Variants in UNC5C observed in about 807,000 individuals in gnomAD.
The protein encoded by UNC5C is unc-5 netrin receptor C.
In UNC5C, 47 loss-of-function variants were observed where a neutral mutation model predicts 99.8. The ratio of observed to expected loss-of-function variants is 0.47; its 90% CI spans 0.37 to 0.60. The LOEUF (loss-of-function observed/expected upper bound fraction) is 0.60. UNC5C is among the 20% of genes least tolerant of loss of function. The pLI, the probability that UNC5C is intolerant of heterozygous loss-of-function variation, is 0.00. For missense variants in UNC5C, 1,062 were observed against 1,165.9 expected (o/e 0.91, Z 1.30); for synonymous variants, 487 against 452.2 (o/e 1.08, Z -0.98).
intron 2 of UNC5C, among the ~76,000 whole-genome samples, chr4:95,313,571 C>T (rs2149409240): frequency 6.6e-6 from 1 of 152,256 alleles, no homozygotes; most frequent in South Asian, 2.1e-4. Flanking sequence ...ATAATAATTA[C>T]TCATCCTCAT....
At chr4:95,253,281 CTAATCA>C (rs1484075272) in intron 4 of UNC5C, among the ~76,000 whole-genome samples, 37 of 152,074 alleles carry the variant, frequency 2.4e-4, no homozygotes, top group Non-Finnish European at 4.4e-5. Context: ...TGATGTTATC[CTAATCA>C]TAAACAACAT....
At chr4:95,270,597 T>G (rs1166912848) in intron 4 of UNC5C, among the ~76,000 whole-genome samples, 2 of 152,210 alleles carry the variant, frequency 1.3e-5, no homozygotes, top group Non-Finnish European at 2.9e-5. Flanking sequence ...GGGTTGAACA[T>G]ACATAGGCCA....
intron 1 of UNC5C, among the ~76,000 whole-genome samples, chr4:95,434,288 T>C (rs1274354497): frequency 6.6e-6 from 1 of 152,120 alleles, no homozygotes; most frequent in Non-Finnish European, 1.5e-5. Flanking sequence ...AATCAATTTA[T>C]AAATTTATCT....
intron 4 of UNC5C, among the ~76,000 whole-genome samples, chr4:95,259,723 A>T (rs1427848055): frequency 6.6e-6 from 1 of 152,154 alleles, no homozygotes; most frequent in Non-Finnish European, 1.5e-5. Context: ...TATCAGTTTT[A>T]AAAAAATAAG....
At chr4:95,176,155 T>TCAAAGTTTTCA (rs1736332915) in intron 14 of UNC5C, among the ~76,000 whole-genome samples, 2 of 151,694 alleles carry the variant, frequency 1.3e-5, no homozygotes, top group African/African-American at 4.8e-5. Flanking sequence ...TAAATTTTTT[T>TCAAAGTTTTCA]CAAAGTTTTC....
Position 95,206,740 on chromosome 4 carries a change from G to A in UNC5C, c.1790C>T (p.Pro597Leu). Reference sequence around the variant, plus strand: ...GACTGGGCGGGTGAGCAGAGCTCCTGGGGGCCCACAGCTCACCACAGGGGT... The same window carrying A: ...GACTGGGCGGGTGAGCAGAGCTCCTAGGGGCCCACAGCTCACCACAGGGGT... ...LLTPVVSCGP[P>L]GALLTRPVVL... Residue 597 changes from proline to leucine, a missense_variant, in exon 11 of 16, where the codon CCA becomes CTA. Transcript: ENST00000453304. 6.2e-7 allele frequency: 1 copy of A among 1,613,156 alleles called. No individual in the cohort carries two copies. Among genetic ancestry groups the A allele is most frequent in the Non-Finnish European group, 8.5e-7 (1 of 1,179,358 alleles).
chr4:95,484,101 T>C (rs569433117), intron 1 of UNC5C, among the ~76,000 whole-genome samples: 2 of 151,854 alleles, frequency 1.3e-5, no homozygotes, highest in East Asian at 2.0e-4. Flanking sequence ...TGGTGAGTGC[T>C]ATGGAGAGAA....
intron 3 of UNC5C, among the ~76,000 whole-genome samples, chr4:95,290,101 T>C (rs2149399278): frequency 6.6e-6 from 1 of 152,114 alleles, no homozygotes; most frequent in South Asian, 2.1e-4. Context: ...CCAGGGAGTT[T>C]GGAATCAACC....
At chr4:95,320,714 G>A (rs528063147) in intron 2 of UNC5C, among the ~76,000 whole-genome samples, 1 of 152,244 alleles carries the variant, frequency 6.6e-6, no homozygotes, top group African/African-American at 2.4e-5. Context: ...GCTTCTTATT[G>A]TAGCCTCTGC....
chr4:95,523,231 A>C (rs1259163023), intron 1 of UNC5C, among the ~76,000 whole-genome samples: 1 of 152,154 alleles, frequency 6.6e-6, no homozygotes, highest in Non-Finnish European at 1.5e-5. Flanking sequence ...GAGGAAACCT[A>C]CCAGGCAAAG....
chr4:95,335,833 C>G (rs1743317226), intron 1 of UNC5C, among the ~76,000 whole-genome samples: 1 of 151,800 alleles, frequency 6.6e-6, no homozygotes, highest in Non-Finnish European at 1.5e-5. Flanking sequence ...CACAGCAAAA[C>G]TCAACATCAG....
At chr4:95,238,129 G>T (rs953640433) in intron 7 of UNC5C, among the ~76,000 whole-genome samples, 7 of 152,020 alleles carry the variant, frequency 4.6e-5, no homozygotes, top group Non-Finnish European at 4.4e-5. Context: ...CTATAATTAT[G>T]ATTTAAGTAT....
chr4:95,183,004 T>C lies in UNC5C; in HGVS notation c.2344A>G (p.Thr782Ala). Reference protein sequence around the residue: ...GSQRNLHCTFTLERFSLNTVE... With the variant: ...GSQRNLHCTFALERFSLNTVE... The stretch of plus-strand genomic sequence containing the variant: ...GTGTTCAGGCTAAATCTTTCCAGAG[T>C]GAAGGTGCAGTGCAGGTTTCTTTGA... Residue 782 changes from threonine (T) to alanine (A), a missense_variant, in exon 14 of 16, where the codon ACT becomes GCT. Thr to Ala is a moderately conservative substitution (Grantham distance 58, BLOSUM62 0). Around this residue, in one of 3 missense-constraint regions of UNC5C, gnomAD observed 810 missense variants for 854.5 expected, o/e 0.95. Coordinates refer to ENST00000453304, the MANE Select transcript of UNC5C (RefSeq NM_003728.4). 5 of 1,613,048 alleles carry C rather than the reference T, an allele frequency of 3.1e-6. No homozygotes were observed. The highest frequency in any genetic ancestry group is 3.4e-6 in the Non-Finnish European group (4 of 1,179,296).
intron 3 of UNC5C, among the ~76,000 whole-genome samples, chr4:95,285,235 C>T (rs1419949896): frequency 1.3e-5 from 2 of 151,830 alleles, no homozygotes; most frequent in Non-Finnish European, 2.9e-5. Context: ...TTTAAGAAAA[C>T]AAAATATTGG....
chr4:95,548,675 G>A, intron 1 of UNC5C, 59 bp downstream of exon 1: 1 of 1,577,496 alleles, frequency 6.3e-7, no homozygotes, highest in Non-Finnish European at 8.6e-7. Context: ...GAGGAGGAGA[G>A]GAAGGAGGGA....
rs140303891 is a variant in UNC5C, at chr4:95,364,758, C to T, written c.125-29127G>A. 3.9e-3 allele frequency among the ~76,000 whole-genome samples: 593 copies of T among 152,250 alleles called. 10 individuals carry two copies. Among genetic ancestry groups the T allele is most frequent in the African/African-American group, 0.013 (542 of 41,552 alleles). ...TGAGTAAGTACATCAAAAGTGTCTA[C>T]AGCAGTGCTTAGTATTGATGCCACA... On this transcript the variant is annotated intron_variant, in intron 1 of 15. Coordinates refer to ENST00000453304, the MANE Select transcript of UNC5C (RefSeq NM_003728.4).
Position 95,244,963 on chromosome 4 carries a change from A to T in UNC5C, c.943+14T>A. The T allele has an allele frequency of 6.2e-7, 1 of 1,613,374 alleles. No homozygotes were observed. On this transcript the variant is annotated intron_variant, in intron 6 of 15. Coordinates refer to ENST00000453304, the MANE Select transcript of UNC5C (RefSeq NM_003728.4). Reference sequence around the variant, plus strand: ...AATAGGAGATACTTGGAATGAGAGGACTGGTTTATTTACCTGGGCATAACG... The same window carrying T: ...AATAGGAGATACTTGGAATGAGAGGTCTGGTTTATTTACCTGGGCATAACG...
intron 3 of UNC5C, among the ~76,000 whole-genome samples, chr4:95,291,186 CTT>C (rs1017584093): frequency 1.3e-5 from 2 of 152,066 alleles, no homozygotes; most frequent in Non-Finnish European, 2.9e-5. Flanking sequence ...ACAAGCCACT[CTT>C]TTATATTCAA....
chr4:95,415,690 C>T (rs77880261), intron 1 of UNC5C, among the ~76,000 whole-genome samples: 4,346 of 152,038 alleles, frequency 0.029, 115 homozygotes, highest in South Asian at 0.058. Flanking sequence ...AGAACTCATT[C>T]CCAAAACAAC....
Sources: allele counts gnomAD v4.1 joint callset (sites outside exome capture counted in the v4.1 genomes callset), GRCh38; gene constraint gnomAD v4.1.1; regional missense constraint gnomAD v4.1.1; transcripts MANE v1.5; gene names NCBI Gene and HGNC (gene_info 2026-07-23, HGNC 2026-07-21).